The following GRID1 variants were observed in gnomAD, a reference collection of about 807,000 sequenced individuals.
GRID1 encodes glutamate receptor ionotropic, delta-1.
A neutral mutation model predicts 98.0 loss-of-function variants in GRID1; 28 were observed. The observed-to-expected ratio is 0.29, with a 90% confidence interval of 0.21 to 0.39. GRID1 has a LOEUF of 0.39. Ranked by LOEUF, GRID1 falls within the 10% of genes least tolerant of loss-of-function variation. GRID1 has a pLI of 1.00. For missense variants in GRID1, 1,111 were observed against 1,340.5 expected, an observed-to-expected ratio of 0.83 and a Z score of 2.67; for synonymous variants, 553 against 538.5, an observed-to-expected ratio of 1.03 and a Z score of -0.37.
intron 8 of GRID1, among the ~76,000 whole-genome samples, chr10:85,830,475 AG>A (rs1370390830): frequency 3.9e-5 from 6 of 152,238 alleles, no homozygotes; most frequent in African/African-American, 1.4e-4. Flanking sequence ...CAGTAAACTA[AG>A]GAGCTTCTGC....
chr10:86,071,901 G>A (rs1843810170), intron 4 of GRID1, among the ~76,000 whole-genome samples: 1 of 152,206 alleles, frequency 6.6e-6, no homozygotes, highest in Non-Finnish European at 1.5e-5. Flanking sequence ...CAGAACCTGA[G>A]TAAATGTTGA....
chr10:85,875,486 TATG>T (rs1039786125), intron 5 of GRID1, among the ~76,000 whole-genome samples: 3 of 152,154 alleles, frequency 2.0e-5, no homozygotes, highest in African/African-American at 7.2e-5. Context: ...TTATATTCAT[TATG>T]ATTATTTATA....
chr10:86,196,491 A>C (rs1408426635), intron 3 of GRID1, among the ~76,000 whole-genome samples: 4 of 152,138 alleles, frequency 2.6e-5, no homozygotes, highest in African/African-American at 9.7e-5. Context: ...AAAGTGGGAA[A>C]ACAAAGGATC....
chr10:86,070,578 C>G (rs2131920697), intron 4 of GRID1, among the ~76,000 whole-genome samples: 1 of 152,302 alleles, frequency 6.6e-6, no homozygotes, highest in South Asian at 2.1e-4. Flanking sequence ...AAGCTCCTTT[C>G]TCTCCACAGT....
At chr10:86,238,711 C>T (rs1003579628) in intron 2 of GRID1, among the ~76,000 whole-genome samples, 3 of 148,048 alleles carry the variant, frequency 2.0e-5, no homozygotes, top group African/African-American at 7.5e-5. Flanking sequence ...GGGCAAGGTA[C>T]AGCTTGGGCT....
At chr10:86,165,356 C>G (rs1269512343) in intron 3 of GRID1, among the ~76,000 whole-genome samples, 1 of 152,172 alleles carries the variant, frequency 6.6e-6, no homozygotes, top group African/African-American at 2.4e-5. Flanking sequence ...GAGGAAAATG[C>G]CTGAATAGCC....
chr10:85,976,435 C>A (rs1842473354), intron 4 of GRID1, among the ~76,000 whole-genome samples: 1 of 152,206 alleles, frequency 6.6e-6, no homozygotes, highest in Non-Finnish European at 1.5e-5. Flanking sequence ...AGCTCCTGCT[C>A]ACCAGACCCA....
intron 3 of GRID1, among the ~76,000 whole-genome samples, chr10:86,202,644 C>A (rs1241846152): frequency 6.6e-6 from 1 of 152,244 alleles, no homozygotes; most frequent in African/African-American, 2.4e-5. Flanking sequence ...ATCTTGTAAA[C>A]CATATACATA....
chr10:85,942,383 G>A (rs1842006472), intron 4 of GRID1, among the ~76,000 whole-genome samples: 1 of 152,120 alleles, frequency 6.6e-6, no homozygotes, highest in African/African-American at 2.4e-5. Context: ...GAGTTCAGAG[G>A]GGTCTCTGAC....
chr10:86,211,073 T>TG (rs749366937), intron 2 of GRID1, among the ~76,000 whole-genome samples: 90 of 152,212 alleles, frequency 5.9e-4, no homozygotes, highest in Non-Finnish European at 1.0e-3. Flanking sequence ...TCTTTCTTCT[T>TG]GGGGGGGTCA....
chr10:85,834,739 A>C (rs1842897791), intron 8 of GRID1, among the ~76,000 whole-genome samples: 1 of 152,204 alleles, frequency 6.6e-6, no homozygotes, highest in Non-Finnish European at 1.5e-5. Flanking sequence ...GTATTGTAAT[A>C]GTCAGAGCAA....
chr10:86,020,129 C>T (rs1052439833), intron 4 of GRID1, among the ~76,000 whole-genome samples: 1 of 152,254 alleles, frequency 6.6e-6, no homozygotes. Flanking sequence ...TCTGCACACT[C>T]CCCTCAGAGG....
chr10:86,140,752 C>A (rs1296253288), intron 3 of GRID1, among the ~76,000 whole-genome samples: 1 of 152,206 alleles, frequency 6.6e-6, no homozygotes, highest in East Asian at 1.9e-4. Flanking sequence ...CCCTTTTGAG[C>A]CTGAGGGGCT....
chr10:86,167,771 G>C (rs1320820998), intron 3 of GRID1, among the ~76,000 whole-genome samples: 1 of 152,200 alleles, frequency 6.6e-6, no homozygotes, highest in Non-Finnish European at 1.5e-5. Context: ...GACTGATTCT[G>C]CCTTTCTCAC....
At chr10:85,992,052 T>G (rs1296186068) in intron 4 of GRID1, among the ~76,000 whole-genome samples, 1 of 152,152 alleles carries the variant, frequency 6.6e-6, no homozygotes, top group Non-Finnish European at 1.5e-5. Flanking sequence ...GAACACTTAC[T>G]TCCCTGGGTG....
chr10:85,801,249 G>A (rs749644430), intron 8 of GRID1, among the ~76,000 whole-genome samples: 13 of 151,652 alleles, frequency 8.6e-5, no homozygotes, highest in Non-Finnish European at 1.6e-4. Context: ...AAGAATTAAA[G>A]GTTTTCCCAC....
chr10:85,647,305 T>C lies in GRID1; in HGVS notation c.2090A>G (p.Asn697Ser). 1 of 1,614,104 alleles carries C rather than the reference T, an allele frequency of 6.2e-7. No individual in the cohort carries two copies. Among genetic ancestry groups the C allele is most frequent in the East Asian group, 2.2e-5 (1 of 44,882 alleles). Residue 697 changes from asparagine to serine, a missense_variant, in exon 13 of 16, where the codon AAC (asparagine) becomes AGC (serine). Asn to Ser is a conservative substitution (Grantham distance 46, BLOSUM62 1). This residue lies in a region of GRID1 where 762 missense variants were observed against 869.1 expected (regional missense o/e 0.88). Transcript: ENST00000327946. ...AAACGTGCTGTCCTGCTCCAGGGGG[T>C]TGGTGCCCTTGGCTCGGAAGTACTC... Reference protein sequence around the residue: ...VYEYFRAKGTNPLEQDSTFAE... With the variant: ...VYEYFRAKGTSPLEQDSTFAE...
chr10:85,828,089 T>C (rs1036770370), intron 8 of GRID1, among the ~76,000 whole-genome samples: 1 of 151,970 alleles, frequency 6.6e-6, no homozygotes, highest in Non-Finnish European at 1.5e-5. Flanking sequence ...AAACACAACA[T>C]TCAACCACAG....
chr10:86,337,005 G>A (rs1040304324), intron 2 of GRID1, among the ~76,000 whole-genome samples: 4 of 148,024 alleles, frequency 2.7e-5, no homozygotes, highest in African/African-American at 7.8e-5. Context: ...CCACCAGGAT[G>A]GCTAGTTTTT....
Sources: allele counts gnomAD v4.1 joint callset (sites outside exome capture counted in the v4.1 genomes callset), GRCh38; gene constraint gnomAD v4.1.1; regional missense constraint gnomAD v4.1.1; transcripts MANE v1.5; gene names NCBI Gene and HGNC (gene_info 2026-07-23, HGNC 2026-07-21).